CROCC2: variants seen among roughly 807,000 people sequenced by gnomAD.
CROCC2 encodes the protein ciliary rootlet coiled-coil, rootletin family member 2, also known as ciliary rootlet coiled-coil protein 2.
A neutral mutation model predicts 177.6 loss-of-function variants in CROCC2; 163 were observed. The observed-to-expected ratio is 0.92, with a 90% CI of 0.81 to 1.05. The LOEUF (loss-of-function observed/expected upper bound fraction) is 1.05. Ranked by LOEUF, CROCC2 falls within the 50% of genes least tolerant of loss-of-function variation. CROCC2 has a pLI of 0.00. For missense variants in CROCC2, 1,929 were observed against 1,797.8 expected (o/e 1.07, Z -1.32); for synonymous variants, 904 against 787.3 (o/e 1.15, Z -2.48).
intron 5 of CROCC2, among the ~76,000 whole-genome samples, chr2:240,928,894 C>T (rs1224029231): frequency 1.4e-5 from 2 of 140,442 alleles, no homozygotes; most frequent in African/African-American, 5.4e-5. Flanking sequence ...TATGGGTTCA[C>T]AGAGTCATGC....
In CROCC2 at chr2:240,967,414, G is replaced by A; in HGVS notation, c.4216G>A (p.Ala1406Thr). The change falls in exon 26 of 32, where the codon GCC (alanine) becomes ACC (threonine). Residue 1406 changes from alanine (A) to threonine (T), a missense_variant. Ala to Thr is a moderately conservative substitution (Grantham distance 58, BLOSUM62 0). Coordinates refer to ENST00000690015, the MANE Select transcript of CROCC2 (RefSeq NM_001351305.2). ...CGAGGCAGAGTGCAGGTGTGCCCGG[G>A]CCCAGAGCCGCGTGGGGCAGCTGCA... Reference protein sequence around the residue: ...LSEAECRCARAQSRVGQLQKA... With the variant: ...LSEAECRCARTQSRVGQLQKA... 9.1e-7 allele frequency: 1 copy of A among 1,098,006 alleles called. No homozygotes were observed. Among genetic ancestry groups the A allele is most frequent in the South Asian group, 1.3e-5 (1 of 75,140 alleles). 68.0% of individuals were successfully genotyped at this position (1,098,006 alleles called of 1,614,324 possible). A position where few individuals can be genotyped will look rare whatever the true frequency, so the allele number is the denominator to read the frequency against.
intron 27 of CROCC2, among the ~76,000 whole-genome samples, chr2:240,975,719 CTTTTT>C (rs55896940): frequency 0.043 from 3,804 of 88,020 alleles, 285 homozygotes; most frequent in African/African-American, 0.16. Context: ...AACCAGCCTG[CTTTTT>C]TTTTTTTTTT....
intron 3 of CROCC2, among the ~76,000 whole-genome samples, chr2:240,922,096 T>C (rs1260965030): frequency 1.3e-5 from 2 of 152,152 alleles, no homozygotes; most frequent in African/African-American, 4.8e-5. Context: ...TGCCCCTGTG[T>C]GCCTGAACCA....
intron 20 of CROCC2, among the ~76,000 whole-genome samples, chr2:240,961,412 A>G (rs973458441): frequency 6.6e-6 from 1 of 151,962 alleles, no homozygotes; most frequent in Non-Finnish European, 1.5e-5. Context: ...AGAAACGTGC[A>G]CCAAGCACAC....
chr2:240,965,064 G>A (rs938917202), intron 22 of CROCC2, among the ~76,000 whole-genome samples: 3 of 152,150 alleles, frequency 2.0e-5, no homozygotes, highest in Non-Finnish European at 2.9e-5. Flanking sequence ...CTGTAATGGC[G>A]GCCTCGGGGC....
At chr2:240,981,690 AGTCTTAGGTACAAGCATT>A in intron 27 of CROCC2, 1 of 152,294 alleles carries the variant, frequency 6.6e-6, no homozygotes, top group Non-Finnish European at 1.5e-5. Flanking sequence ...GAAGCATCAC[AGTCTTAGGTACAAGCATT>A]GTCTTCCTTC....
In CROCC2 at chr2:240,933,871, G is replaced by A. The variant is rs2059450010; in HGVS notation, c.1646+19G>A. ...AGACCAGGTGCGCGGCCGTGGCTGG[G>A]TGGGCAGGGCCCCTCCCACAGAAGA... is the stretch of plus-strand genomic sequence containing the variant. On this transcript the variant is annotated intron_variant, in intron 11 of 31. Coordinates refer to ENST00000690015, the MANE Select transcript of CROCC2 (RefSeq NM_001351305.2). The A allele has an allele frequency of 6.5e-7, 1 of 1,538,060 alleles. No homozygotes were observed. The highest frequency in any genetic ancestry group is 1.4e-5 in the African/African-American group (1 of 72,922).
intron 1 of CROCC2, among the ~76,000 whole-genome samples, chr2:240,911,261 C>T (rs1384904160): frequency 1.3e-5 from 2 of 149,232 alleles, no homozygotes; most frequent in Non-Finnish European, 3.0e-5. Flanking sequence ...ACATTCGTAG[C>T]GTTGAGCAAC....
chr2:240,950,880 C>A, intron 18 of CROCC2: 1 of 212,228 alleles, frequency 4.7e-6, no homozygotes, highest in Non-Finnish European at 9.3e-6. Context: ...TCCATTCATT[C>A]ACCCATCCAT....
At position 240,959,082 on chromosome 2, in the gene CROCC2, A is replaced by C. The variant is rs1289509967; in HGVS notation, c.2944-219A>C. 14 of 539,256 alleles carry C rather than the reference A, an allele frequency of 2.6e-5. No individual in the cohort carries two copies. In the South Asian group the frequency reaches 3.2e-4, roughly 12 times the overall value. 33.4% of individuals were successfully genotyped at this position (539,256 alleles called of 1,614,324 possible). ...CTGTGTCCGTGGGCACTCACACATC[A>C]CAGCTGTCAGGGGCCGTGGATGTCT... is the stretch of plus-strand genomic sequence containing the variant. On this transcript the variant is annotated intron_variant, in intron 19 of 31. Transcript: ENST00000690015.
At chr2:240,963,525 CG>C in intron 20 of CROCC2, 30 bp from the exon 21 acceptor site, 1 of 1,482,678 alleles carries the variant, frequency 6.7e-7, no homozygotes, top group Non-Finnish European at 9.0e-7. Flanking sequence ...TGGTCCCCAG[CG>C]GGCCTCTAGA....
At position 240,958,430 on chromosome 2, in the gene CROCC2, G is replaced by C; in HGVS notation, c.2944-871G>C. Reference sequence around the variant, plus strand: ...CAGCATGGCTCCTTTCCCAAGAGCAGGGGGCACAGGCTGCAGGAACCCCCA... The same window carrying C: ...CAGCATGGCTCCTTTCCCAAGAGCACGGGGCACAGGCTGCAGGAACCCCCA... On this transcript the variant is annotated intron_variant, in intron 19 of 31. Transcript: ENST00000690015. This position sits in a 1 kb window ranked among gnomAD's most constrained non-coding sequence, Gnocchi z 6.7. 3.7e-6 allele frequency: 1 copy of C among 269,328 alleles called. No individual in the cohort carries two copies. Among genetic ancestry groups the C allele is most frequent in the Non-Finnish European group, 5.7e-6 (1 of 175,100 alleles). The allele number at this position is 269,328 out of a possible 1,614,324, so 16.7% of individuals were successfully genotyped here. A position where few individuals can be genotyped will look rare whatever the true frequency, so the allele number is the denominator to read the frequency against.
chr2:240,955,003 C>G (rs1371173791), intron 18 of CROCC2: 1 of 152,170 alleles, frequency 6.6e-6, no homozygotes, highest in Non-Finnish European at 1.5e-5. Flanking sequence ...AGCGTTACCT[C>G]CCCAACACTG....
chr2:240,922,795 A>G (rs769657434), intron 4 of CROCC2, 150 bp downstream of exon 4: 13 of 471,564 alleles, frequency 2.8e-5, no homozygotes, highest in African/African-American at 4.1e-5. Context: ...CCAGGCCTCC[A>G]TGGCCTGGCA....
chr2:240,948,727 G>A (rs887881485), intron 15 of CROCC2, among the ~76,000 whole-genome samples: 3 of 152,178 alleles, frequency 2.0e-5, no homozygotes, highest in Non-Finnish European at 4.4e-5. Context: ...ATGGAATCAC[G>A]CCGTATGTGG....
At chr2:240,923,007 C>T (rs1230613393) in intron 4 of CROCC2, among the ~76,000 whole-genome samples, 1 of 152,094 alleles carries the variant, frequency 6.6e-6, no homozygotes, top group African/African-American at 2.4e-5. Context: ...CTGAGAGCGG[C>T]TCAGCAGCAT....
intron 1 of CROCC2, among the ~76,000 whole-genome samples, chr2:240,910,512 T>G (rs2059280707): frequency 6.6e-6 from 1 of 152,194 alleles, no homozygotes; most frequent in African/African-American, 2.4e-5. Context: ...GCAGGATCCG[T>G]GGGGTAACCA....
chr2:240,993,063 C>A lies in CROCC2; in HGVS notation c.4947-3C>A, dbSNP rs553254990. 8.4e-6 allele frequency: 6 copies of A among 717,076 alleles called. No homozygotes were observed. Among genetic ancestry groups the A allele is most frequent in the South Asian group, 5.9e-5 (4 of 67,528 alleles). 44.4% of individuals were successfully genotyped at this position (717,076 alleles called of 1,614,324 possible). A position where few individuals can be genotyped will look rare whatever the true frequency, so the allele number is the denominator to read the frequency against. On this transcript the variant is annotated splice_region_variant and splice_polypyrimidine_tract_variant and intron_variant, in intron 31 of 31. Transcript: ENST00000690015. ...CCACGCCTCCCTCTTTGCATCCCTG[C>A]AGCGCCCAAAGGGACTGAAGCTCCC...
At chr2:240,971,451 T>A (rs2059720529) in intron 27 of CROCC2, among the ~76,000 whole-genome samples, 1 of 152,182 alleles carries the variant, frequency 6.6e-6, no homozygotes, top group Admixed American at 6.5e-5. Context: ...TTTCATTCGA[T>A]TCCAGGCTCC....
Sources: gnomAD v4.1 joint callset for allele counts (sites outside exome capture counted in the v4.1 genomes callset) on GRCh38, gnomAD v4.1.1 for gene constraint, Gnocchi (gnomAD v3.1) non-coding constraint, MANE v1.5 for transcripts, NCBI Gene and HGNC (gene_info 2026-07-23, HGNC 2026-07-21) for gene names.